DENND5B: variants seen among roughly 807,000 people sequenced by gnomAD.
DENND5B encodes the protein DENN domain-containing protein 5B.
DENND5B carries 34 observed loss-of-function variants against 140.6 expected under a neutral mutation model. The ratio of observed to expected loss-of-function variants is 0.24; its 90% confidence interval spans 0.18 to 0.32. DENND5B has a LOEUF of 0.32. Among genes scored for constraint, DENND5B ranks in the 10% least tolerant of loss-of-function variants. The probability of loss-of-function intolerance (pLI) is 1.00; values close to 1 mark genes in which losing one functional copy is unlikely to be tolerated. For synonymous variants in DENND5B, 551 were observed against 562.1 expected (o/e 0.98, Z 0.28); for missense variants, 1,142 against 1,560.2 (o/e 0.73, Z 4.52).
rs1234009016 is a variant in DENND5B at position 31,569,060 on chromosome 12, C to CTTTTTT, written c.127+21640_127+21645dup. On this transcript the variant is annotated intron_variant, in intron 1 of 20. Transcript: ENST00000389082. ...CATGCCACCACACCCAGCAACATAC[C>CTTTTTT]TTTTTTTTTTTTTTTTTTTTTTTGA... 3.2e-4 allele frequency among the ~76,000 whole-genome samples: 30 copies of CTTTTTT among 93,150 alleles called. 1 individual carries two copies. The highest frequency in any genetic ancestry group is 4.0e-4 in the African/African-American group (8 of 19,998). The allele number at this position is 93,150 out of a possible 152,430, so 61.1% of individuals were successfully genotyped here. A position where few individuals can be genotyped will look rare whatever the true frequency, so the allele number is the denominator to read the frequency against.
intron 1 of DENND5B, among the ~76,000 whole-genome samples, chr12:31,565,138 G>A (rs1258662992): frequency 6.6e-6 from 1 of 152,120 alleles, no homozygotes; most frequent in Non-Finnish European, 1.5e-5. Flanking sequence ...TGGGCACAGT[G>A]GCTCATGCCT....
At chr12:31,396,151 C>T (rs1941456461) in intron 17 of DENND5B, among the ~76,000 whole-genome samples, 1 of 149,560 alleles carries the variant, frequency 6.7e-6, no homozygotes, top group Non-Finnish European at 1.5e-5. Flanking sequence ...CTTACTGCAA[C>T]CTCCACCTCT....
At chr12:31,454,103 C>T (rs1257590440) in intron 4 of DENND5B, among the ~76,000 whole-genome samples, 1 of 149,764 alleles carries the variant, frequency 6.7e-6, no homozygotes, top group African/African-American at 2.5e-5. Flanking sequence ...GATCGTGCCA[C>T]TGCACTCCAG....
chr12:31,572,230 A>G (rs1324229628), intron 1 of DENND5B, among the ~76,000 whole-genome samples: 1 of 152,066 alleles, frequency 6.6e-6, no homozygotes, highest in African/African-American at 2.4e-5. Flanking sequence ...GTCTCAAAAA[A>G]AAAAAGAAAA....
chr12:31,556,173 C>A (rs1327065727), intron 1 of DENND5B, among the ~76,000 whole-genome samples: 1 of 152,146 alleles, frequency 6.6e-6, no homozygotes, highest in East Asian at 1.9e-4. Flanking sequence ...TAGACTGGAG[C>A]TGTTCCTATT....
At chr12:31,403,856 A>G (rs1347896993) in intron 14 of DENND5B, among the ~76,000 whole-genome samples, 1 of 131,060 alleles carries the variant, frequency 7.6e-6, no homozygotes, top group East Asian at 2.4e-4. Context: ...AGATTGTGCC[A>G]TTGCACTCCA....
chr12:31,439,667 C>T (rs905763021), intron 7 of DENND5B, among the ~76,000 whole-genome samples: 8 of 151,926 alleles, frequency 5.3e-5, no homozygotes, highest in African/African-American at 1.7e-4. Context: ...CAGTGGCTCA[C>T]GCCTGTAATC....
At chr12:31,446,881 C>G (rs1356178331) in intron 6 of DENND5B, among the ~76,000 whole-genome samples, 3 of 135,944 alleles carry the variant, frequency 2.2e-5, no homozygotes, top group Non-Finnish European at 4.7e-5. Context: ...AGTGAGACTC[C>G]GCCTCAAAAA....
intron 1 of DENND5B, among the ~76,000 whole-genome samples, chr12:31,511,118 A>G (rs1947393876): frequency 6.6e-6 from 1 of 152,172 alleles, no homozygotes; most frequent in Non-Finnish European, 1.5e-5. Flanking sequence ...ATGAGCCTGT[A>G]GTCCCAGCTA....
chr12:31,394,615 CTTTT>C (rs33960412), intron 17 of DENND5B, among the ~76,000 whole-genome samples: 3 of 137,602 alleles, frequency 2.2e-5, no homozygotes, highest in African/African-American at 2.7e-5. Context: ...ACCCTGTGCT[CTTTT>C]TTTTTTTTTT....
chr12:31,401,122 C>A (rs2043262), intron 15 of DENND5B, among the ~76,000 whole-genome samples: 1 of 152,062 alleles, frequency 6.6e-6, no homozygotes, highest in Non-Finnish European at 1.5e-5. Context: ...GGATTACAGG[C>A]GTGAGCCACT....
At chr12:31,558,144 C>T (rs1345918785) in intron 1 of DENND5B, among the ~76,000 whole-genome samples, 1 of 152,226 alleles carries the variant, frequency 6.6e-6, no homozygotes, top group East Asian at 1.9e-4. Context: ...GATACTCAGA[C>T]ACTGAGCCCT....
intron 1 of DENND5B, chr12:31,534,945 G>A (rs113583163): frequency 0.14 from 39,755 of 287,086 alleles, 3,129 homozygotes; most frequent in East Asian, 0.25. Flanking sequence ...GTGGCGGCGT[G>A]TGCCTGTAGT....
chr12:31,459,964 T>C (rs547804284), intron 4 of DENND5B, among the ~76,000 whole-genome samples: 13 of 152,332 alleles, frequency 8.5e-5, no homozygotes, highest in African/African-American at 3.1e-4. Context: ...CAGAAATTTA[T>C]AGTTGTGAAA....
At chr12:31,416,814 T>C (rs1230253978) in intron 11 of DENND5B, among the ~76,000 whole-genome samples, 1 of 149,938 alleles carries the variant, frequency 6.7e-6, no homozygotes, top group African/African-American at 2.5e-5. Flanking sequence ...CTGGGAAACA[T>C]AGGGAGACCA....
At chr12:31,411,068 TGC>T (rs1942432960) in intron 13 of DENND5B, among the ~76,000 whole-genome samples, 1 of 148,434 alleles carries the variant, frequency 6.7e-6, no homozygotes, top group Non-Finnish European at 1.5e-5. Flanking sequence ...GAGACAGTTT[TGC>T]TCTTATTGCC....
intron 3 of DENND5B, among the ~76,000 whole-genome samples, chr12:31,464,265 C>A (rs1945154963): frequency 6.6e-6 from 1 of 152,194 alleles, no homozygotes; most frequent in Non-Finnish European, 1.5e-5. Context: ...CATGTTTTCA[C>A]AGGCCTTGTG....
intron 2 of DENND5B, among the ~76,000 whole-genome samples, chr12:31,494,720 T>A (rs1438158647): frequency 6.6e-6 from 1 of 152,144 alleles, no homozygotes; most frequent in Non-Finnish European, 1.5e-5. Context: ...GGGTGTAACT[T>A]TGCTTCAGCT....
chr12:31,437,387 G>A (rs536018013), intron 7 of DENND5B, among the ~76,000 whole-genome samples: 1 of 152,222 alleles, frequency 6.6e-6, no homozygotes, highest in East Asian at 1.9e-4. Flanking sequence ...TCTGGCCTCG[G>A]CCTCCCAAAG....
Sources: allele counts gnomAD v4.1 joint callset (sites outside exome capture counted in the v4.1 genomes callset), GRCh38; gene constraint gnomAD v4.1.1; transcripts MANE v1.5; gene names NCBI Gene and HGNC (gene_info 2026-07-23, HGNC 2026-07-21).